PCDHA1: variants seen among roughly 807,000 people sequenced by gnomAD.
PCDHA1 encodes protocadherin alpha 1.
Under a neutral mutation model 61.3 loss-of-function variants are expected in PCDHA1, and 42 were observed. That is an observed-to-expected ratio of 0.69 (90% CI 0.54 to 0.89). The LOEUF is 0.89. Among genes scored for constraint, PCDHA1 ranks in the 40% least tolerant of loss-of-function variants. The probability of loss-of-function intolerance (pLI) is 0.00; values close to 1 mark genes in which losing one functional copy is unlikely to be tolerated. For synonymous variants in PCDHA1, 610 were observed against 553.8 expected, an observed-to-expected ratio of 1.10 and a Z score of -1.43; for missense variants, 1,256 against 1,235.3, an observed-to-expected ratio of 1.02 and a Z score of -0.25.
At chr5:140,836,090 G>C in intron 1 of PCDHA1, 4 of 1,613,720 alleles carry the variant, frequency 2.5e-6, no homozygotes, top group Non-Finnish European at 3.4e-6. Context: ...TGGCGCCTCG[G>C]GTGGGTGGCA....
chr5:140,966,740 C>T lies in PCDHA1; in HGVS notation c.2395-12209C>T, dbSNP rs782420339. 10 of 1,422,580 alleles carry T rather than the reference C, an allele frequency of 7.0e-6. No individual in the cohort carries two copies. In the Admixed American group the frequency reaches 8.4e-5, roughly 12 times the overall value. 88.1% of individuals were successfully genotyped at this position (1,422,580 alleles called of 1,614,324 possible). ...GGAAGCTGCCGCCTCCGGCCCTGCC[C>T]GGCTGCCTCCGCCGCGGCCAGTGGC... On this transcript the variant is annotated intron_variant, in intron 1 of 3. Transcript: ENST00000504120.
intron 1 of PCDHA1, chr5:140,876,581 C>G (rs782654448): frequency 1.9e-6 from 3 of 1,614,200 alleles, no homozygotes; most frequent in Non-Finnish European, 2.5e-6. Flanking sequence ...ACCGTCATTG[C>G]CCTGATTAGC....
intron 1 of PCDHA1, among the ~76,000 whole-genome samples, chr5:140,899,982 A>AT (rs1290251020): frequency 2.0e-5 from 3 of 150,600 alleles, no homozygotes; most frequent in African/African-American, 4.9e-5. Context: ...TACTTTTTTG[A>AT]TTTTTTTTGT....
At chr5:140,802,207 T>C (rs1762868558) in intron 1 of PCDHA1, 2 of 1,614,242 alleles carry the variant, frequency 1.2e-6, no homozygotes, top group Non-Finnish European at 8.5e-7. Flanking sequence ...TGCACAGTTC[T>C]ACTCGAAATT....
chr5:140,886,884 A>C (rs903199967), intron 1 of PCDHA1, among the ~76,000 whole-genome samples: 9 of 151,846 alleles, frequency 5.9e-5, no homozygotes, highest in African/African-American at 1.9e-4. Flanking sequence ...AACATTCATT[A>C]ATTAAATGCA....
rs782009999 is a variant in PCDHA1, at chr5:140,928,473, C to G, written c.2395-50476C>G. 25 of 1,614,096 alleles carry G rather than the reference C, an allele frequency of 1.5e-5. No individual in the cohort carries two copies. The East Asian group carries it at 2.5e-4, about 16-fold the overall frequency. ...GGGGGTTTCATTTCCAAGTAGAAGGCCGGGATGGTGGCATTCCTCCCAGAA... is the reference window on the plus strand; with the variant it reads ...GGGGGTTTCATTTCCAAGTAGAAGGGCGGGATGGTGGCATTCCTCCCAGAA... On this transcript the variant is annotated intron_variant, in intron 1 of 3. Transcript: ENST00000504120.
At chr5:140,884,504 G>C in intron 1 of PCDHA1, 2 of 1,614,180 alleles carry the variant, frequency 1.2e-6, no homozygotes, top group South Asian at 2.2e-5. Flanking sequence ...CAGCGCGGCA[G>C]GGAGTTGGTC....
chr5:140,916,437 C>T lies in PCDHA1; in HGVS notation c.2395-62512C>T, dbSNP rs77605255. Among the ~76,000 whole-genome samples the T allele has an allele frequency of 8.0e-3, 1,220 of 152,340 alleles. 6 individuals are homozygous for T. The highest frequency in any genetic ancestry group is 0.019 in the African/African-American group (786 of 41,586). Reference sequence around the variant, plus strand: ...AGCACATCTCAGAACCTAAGGCCCACAGTATACTACCTGGATATCACTGCT... The same window carrying T: ...AGCACATCTCAGAACCTAAGGCCCATAGTATACTACCTGGATATCACTGCT... On this transcript the variant is annotated intron_variant, in intron 1 of 3. Coordinates refer to ENST00000504120, the MANE Select transcript of PCDHA1 (RefSeq NM_018900.4).
rs191873949 is a variant in PCDHA1 at position 140,855,986 on chromosome 5, G to T, written c.2394+67302G>T. On this transcript the variant is annotated intron_variant, in intron 1 of 3. Transcript: ENST00000504120. ...AGATATAAGAAATAGGACAGAAAATGTCAGATCGTATGTGCGTTCTAGACC... is the reference window on the plus strand; with the variant it reads ...AGATATAAGAAATAGGACAGAAAATTTCAGATCGTATGTGCGTTCTAGACC... The T allele has an allele frequency of 1.8e-5, 27 of 1,477,576 alleles. 1 individual carries two copies. Among genetic ancestry groups the T allele is most frequent in the South Asian group, 1.6e-4 (12 of 75,402 alleles). The allele number at this position is 1,477,576 out of a possible 1,614,324, so 91.5% of individuals were successfully genotyped here. A position where few individuals can be genotyped will look rare whatever the true frequency, so the allele number is the denominator to read the frequency against.
At position 140,786,659 on chromosome 5, in the gene PCDHA1, G is replaced by C; in HGVS notation, c.369G>C (p.Val123=). The change falls in exon 1 of 4, where the codon GTG becomes GTC. Residue 123 remains valine (V), a synonymous_variant. Coordinates refer to ENST00000504120, the MANE Select transcript of PCDHA1 (RefSeq NM_018900.4). ...AGGTTTTCCATGTGGAGGTGAAGGT[G>C]AAAGACATTAACGATAATCCACCCG... ...PLQVFHVEVK[V]KDINDNPPVF... is the part of the protein sequence containing the mutation. 1 of 1,614,260 alleles carries C rather than the reference G, an allele frequency of 6.2e-7. No individual in the cohort carries two copies. Among genetic ancestry groups the C allele is most frequent in the Non-Finnish European group, 8.5e-7 (1 of 1,180,042 alleles).
chr5:141,004,369 C>T (rs1239142670), intron 3 of PCDHA1, among the ~76,000 whole-genome samples: 1 of 152,324 alleles, frequency 6.6e-6, no homozygotes, highest in South Asian at 2.1e-4. Context: ...ACACCTTGTT[C>T]TGCTCTGCGG....
intron 1 of PCDHA1, chr5:140,841,063 TAAAG>T (rs1776998418): frequency 2.2e-6 from 1 of 461,482 alleles, no homozygotes; most frequent in South Asian, 3.9e-5. Context: ...TAAATTATGA[TAAAG>T]AAATAGAAAG....
intron 1 of PCDHA1, chr5:140,850,077 C>T: frequency 6.3e-7 from 1 of 1,596,450 alleles, no homozygotes. Context: ...CCACGAGGAG[C>T]TGGAGCTGCT....
intron 1 of PCDHA1, among the ~76,000 whole-genome samples, chr5:140,923,640 T>G (rs2081459480): frequency 6.6e-6 from 1 of 152,234 alleles, no homozygotes; most frequent in African/African-American, 2.4e-5. Flanking sequence ...GCAAAAATCT[T>G]TAGCCTCCCT....
At chr5:140,942,731 T>C (rs1404765148) in intron 1 of PCDHA1, among the ~76,000 whole-genome samples, 4 of 152,052 alleles carry the variant, frequency 2.6e-5, no homozygotes, top group Non-Finnish European at 5.9e-5. Flanking sequence ...TGTTGAAAAA[T>C]ATTTTAAAAT....
At chr5:140,900,559 G>A (rs542075943) in intron 1 of PCDHA1, among the ~76,000 whole-genome samples, 2 of 152,314 alleles carry the variant, frequency 1.3e-5, no homozygotes, top group African/African-American at 2.4e-5. Context: ...TTACAGGCGT[G>A]AGCCACGGCA....
At chr5:140,843,084 G>A (rs2150352183) in intron 1 of PCDHA1, 6 of 1,595,554 alleles carry the variant, frequency 3.8e-6, no homozygotes, top group South Asian at 3.3e-5. Context: ...GTGGGCGCGG[G>A]CCACGTGGTA....
At chr5:140,826,295 T>C (rs936001981) in intron 1 of PCDHA1, among the ~76,000 whole-genome samples, 18 of 152,306 alleles carry the variant, frequency 1.2e-4, no homozygotes, top group African/African-American at 4.1e-4. Context: ...GTCTTTTTTA[T>C]AGGAACCTCT....
intron 1 of PCDHA1, among the ~76,000 whole-genome samples, chr5:140,793,397 G>C (rs180915988): frequency 6.6e-5 from 10 of 152,236 alleles, no homozygotes; most frequent in African/African-American, 2.2e-4. Flanking sequence ...TTTACTGTTA[G>C]AGTATGATTA....
Sources: gnomAD v4.1 joint callset for allele counts (sites outside exome capture counted in the v4.1 genomes callset) on GRCh38, gnomAD v4.1.1 for gene constraint, MANE v1.5 for transcripts, NCBI Gene and HGNC (gene_info 2026-07-23, HGNC 2026-07-21) for gene names.